The following PRIM2 variants were observed in gnomAD, a reference collection of about 807,000 sequenced individuals.
PRIM2 encodes the protein DNA primase large subunit.
Under a neutral mutation model 67.3 loss-of-function variants are expected in PRIM2, and 39 were observed. The ratio of observed to expected loss-of-function variants is 0.58; its 90% CI spans 0.45 to 0.76. The LOEUF is 0.76. Ranked by LOEUF, PRIM2 falls within the 30% of genes least tolerant of loss-of-function variation. PRIM2 has a pLI of 0.00. For missense variants in PRIM2, 398 were observed against 598.7 expected, an observed-to-expected ratio of 0.66 and a Z score of 3.50; for synonymous variants, 143 against 198.7, an observed-to-expected ratio of 0.72 and a Z score of 2.36.
intron 5 of PRIM2, among the ~76,000 whole-genome samples, chr6:57,368,422 A>G (rs576061176): frequency 6.6e-6 from 1 of 152,332 alleles, no homozygotes; most frequent in African/African-American, 2.4e-5. Flanking sequence ...TGTAGATTCA[A>G]ATAGAAACTA....
intron 10 of PRIM2, among the ~76,000 whole-genome samples, chr6:57,553,475 A>G (rs1775445132): frequency 6.6e-6 from 1 of 152,186 alleles, no homozygotes; most frequent in Non-Finnish European, 1.5e-5. Context: ...ATGTTCACTA[A>G]TGAGAATGAT....
chr6:57,356,223 T>A (rs1769026126), intron 5 of PRIM2, among the ~76,000 whole-genome samples: 1 of 152,186 alleles, frequency 6.6e-6, no homozygotes, highest in Non-Finnish European at 1.5e-5. Context: ...CTAGTTGTTT[T>A]TCTTCTCTGA....
In PRIM2 at chr6:57,499,558, T is replaced by C. The variant is rs1197204936; in HGVS notation, c.694-7829T>C. ...CAGGACTTGCTAAGTTCCCCCCAGT[T>C]AATTACCATTAGACTATACCCTTTG... On this transcript the variant is annotated intron_variant, in intron 7 of 13. Coordinates refer to ENST00000615550, the MANE Select transcript of PRIM2 (RefSeq NM_000947.5). Among the ~76,000 whole-genome samples the C allele has an allele frequency of 1.3e-4, 20 of 152,288 alleles. No individual in the cohort carries two copies. In the East Asian group the frequency reaches 2.9e-3, roughly 22 times the overall value.
chr6:57,614,761 A>G (rs1328580291), intron 12 of PRIM2, among the ~76,000 whole-genome samples: 1 of 152,210 alleles, frequency 6.6e-6, no homozygotes, highest in Non-Finnish European at 1.5e-5. Flanking sequence ...GAGGCAGGAG[A>G]ATGGTGTGAA....
At chr6:57,422,825 A>G (rs1178957991) in intron 7 of PRIM2, among the ~76,000 whole-genome samples, 1 of 152,166 alleles carries the variant, frequency 6.6e-6, no homozygotes, top group Non-Finnish European at 1.5e-5. Context: ...ATAAATTGGC[A>G]AGCAGGTCAG....
At chr6:57,589,815 A>G (rs1776255754) in intron 10 of PRIM2, among the ~76,000 whole-genome samples, 1 of 152,166 alleles carries the variant, frequency 6.6e-6, no homozygotes, top group Non-Finnish European at 1.5e-5. Flanking sequence ...GTTTCAATTG[A>G]GAAGTTCCCA....
intron 3 of PRIM2, among the ~76,000 whole-genome samples, chr6:57,322,721 A>G (rs1767700609): frequency 6.6e-6 from 1 of 152,080 alleles, no homozygotes; most frequent in African/African-American, 2.4e-5. Context: ...ATGAGAATGG[A>G]CTAATGTAGC....
At chr6:57,588,016 G>A (rs1327540448) in intron 10 of PRIM2, among the ~76,000 whole-genome samples, 9 of 152,072 alleles carry the variant, frequency 5.9e-5, no homozygotes, top group Non-Finnish European at 1.0e-4. Flanking sequence ...GTTCTGTATC[G>A]CATATACCTT....
chr6:57,419,972 A>C (rs894668790), intron 7 of PRIM2, among the ~76,000 whole-genome samples: 1 of 152,302 alleles, frequency 6.6e-6, no homozygotes, highest in East Asian at 1.9e-4. Context: ...CTGAGGAAAC[A>C]GAATCTTCAT....
At chr6:57,486,393 A>G (rs1465762333) in intron 7 of PRIM2, among the ~76,000 whole-genome samples, 5,890 of 152,348 alleles carry the variant, frequency 0.039, 136 homozygotes, top group Non-Finnish European at 0.058. Context: ...ATGGGTTAAG[A>G]GACTTATTCA....
At chr6:57,413,531 C>G (rs1174212776) in intron 7 of PRIM2, among the ~76,000 whole-genome samples, 1 of 151,960 alleles carries the variant, frequency 6.6e-6, no homozygotes, top group African/African-American at 2.4e-5. Flanking sequence ...AAAATTAGAA[C>G]TAATGGACAA....
chr6:57,470,432 T>C (rs1773310447), intron 7 of PRIM2, among the ~76,000 whole-genome samples: 1 of 59,564 alleles, frequency 1.7e-5, no homozygotes, highest in Non-Finnish European at 3.0e-5. Context: ...CCTCTCCCCC[T>C]CTCCCCTCTC....
chr6:57,415,523 C>G (rs1341022259), intron 7 of PRIM2, among the ~76,000 whole-genome samples: 25 of 152,252 alleles, frequency 1.6e-4, no homozygotes, highest in African/African-American at 6.0e-4. Flanking sequence ...GAGTTGTAAT[C>G]TTTTTGCTGG....
chr6:57,565,596 A>G (rs1181189121), intron 10 of PRIM2, among the ~76,000 whole-genome samples: 4 of 152,194 alleles, frequency 2.6e-5, no homozygotes, highest in African/African-American at 9.7e-5. Context: ...TCAGGCTCTC[A>G]TCAAATTGGG....
At chr6:57,337,147 T>C (rs1357977023) in intron 5 of PRIM2, among the ~76,000 whole-genome samples, 3 of 152,080 alleles carry the variant, frequency 2.0e-5, no homozygotes, top group East Asian at 1.9e-4. Flanking sequence ...ATCAATTCAA[T>C]AAGAAGAGCT....
intron 5 of PRIM2, among the ~76,000 whole-genome samples, chr6:57,373,304 G>A (rs965585363): frequency 6.2e-5 from 9 of 144,920 alleles, no homozygotes; most frequent in African/African-American, 1.8e-4. Context: ...ACTTTTTAAT[G>A]TTTTTTTTTT....
At chr6:57,340,737 A>G (rs1394375094) in intron 5 of PRIM2, among the ~76,000 whole-genome samples, 3 of 152,118 alleles carry the variant, frequency 2.0e-5, no homozygotes, top group African/African-American at 7.2e-5. Flanking sequence ...GGATAGCATT[A>G]GGAGATATAC....
chr6:57,615,808 C>T (rs1347840475), intron 12 of PRIM2, among the ~76,000 whole-genome samples: 10 of 152,260 alleles, frequency 6.6e-5, no homozygotes, highest in African/African-American at 2.4e-4. Flanking sequence ...GCAGGAAGCT[C>T]GCTTGAGCCT....
rs529537420 is a variant in PRIM2 at position 57,434,130 on chromosome 6, G to A, written c.693+51962G>A. The stretch of plus-strand genomic sequence containing the variant: ...GTAGAGACGGGGTTTCTCCATGTTG[G>A]TCAGGCTGGGTCTTGAACTCCTGAC... On this transcript the variant is annotated intron_variant, in intron 7 of 13. Transcript: ENST00000615550. Among the ~76,000 whole-genome samples the A allele has an allele frequency of 3.9e-5, 6 of 152,026 alleles. No homozygotes were observed. In the South Asian group the frequency reaches 1.0e-3, roughly 26 times the overall value.
Sources: gnomAD v4.1 joint callset for allele counts (sites outside exome capture counted in the v4.1 genomes callset) on GRCh38, gnomAD v4.1.1 for gene constraint, MANE v1.5 for transcripts, NCBI Gene and HGNC (gene_info 2026-07-23, HGNC 2026-07-21) for gene names.